SLC35F3: variants seen among roughly 807,000 people sequenced by gnomAD.
The protein encoded by SLC35F3 is solute carrier family 35 member F3.
A neutral mutation model predicts 49.9 loss-of-function variants in SLC35F3; 25 were observed. That is an observed-to-expected ratio of 0.50 (90% CI 0.37 to 0.70). SLC35F3 has a LOEUF of 0.70. Among genes scored for constraint, SLC35F3 ranks in the 30% least tolerant of loss-of-function variants. The pLI is 0.00. For missense variants in SLC35F3, 525 were observed against 639.8 expected (o/e 0.82, Z 1.94); for synonymous variants, 275 against 265.4 (o/e 1.04, Z -0.35).
chr1:234,029,751 A>G (rs980592841), intron 2 of SLC35F3, among the ~76,000 whole-genome samples: 1 of 152,134 alleles, frequency 6.6e-6, no homozygotes, highest in Non-Finnish European at 1.5e-5. Flanking sequence ...GGTGCTGGCT[A>G]CTTGAGAAGC....
chr1:233,923,918 A>T (rs1223431719), intron 2 of SLC35F3, among the ~76,000 whole-genome samples: 5 of 151,980 alleles, frequency 3.3e-5, no homozygotes, highest in Non-Finnish European at 7.4e-5. Flanking sequence ...GTTTTTGTCG[A>T]TGGTTCTGTT....
intron 2 of SLC35F3, among the ~76,000 whole-genome samples, chr1:233,956,186 C>T (rs905774982): frequency 3.9e-5 from 6 of 152,108 alleles, no homozygotes; most frequent in Admixed American, 6.5e-5. Flanking sequence ...CAGTGCCCAG[C>T]CCTGCAAACT....
intron 2 of SLC35F3, among the ~76,000 whole-genome samples, chr1:234,173,410 A>T (rs996507038): frequency 1.1e-4 from 16 of 152,224 alleles, no homozygotes; most frequent in Non-Finnish European, 2.1e-4. Context: ...ACCCAGAATC[A>T]CAGAGCTAGT....
intron 4 of SLC35F3, among the ~76,000 whole-genome samples, chr1:234,313,588 C>A (rs548633350): frequency 6.6e-6 from 1 of 152,200 alleles, no homozygotes; most frequent in African/African-American, 2.4e-5. Context: ...CAGGATTGTT[C>A]CGTGGGGAGC....
At chr1:233,996,769 T>C (rs1293594444) in intron 2 of SLC35F3, among the ~76,000 whole-genome samples, 4 of 152,184 alleles carry the variant, frequency 2.6e-5, no homozygotes, top group African/African-American at 2.4e-5. Context: ...TTGCACTCTC[T>C]CATTCGATAC....
At chr1:234,189,743 G>T (rs958529097) in intron 2 of SLC35F3, among the ~76,000 whole-genome samples, 1 of 152,122 alleles carries the variant, frequency 6.6e-6, no homozygotes, top group African/African-American at 2.4e-5. Context: ...ATCACAAAAA[G>T]ATCCTCACCT....
At chr1:234,062,366 G>A (rs986489382) in intron 2 of SLC35F3, among the ~76,000 whole-genome samples, 9 of 152,098 alleles carry the variant, frequency 5.9e-5, no homozygotes, top group Admixed American at 2.0e-4. Context: ...ACTCCACTAC[G>A]CACAAACTGG....
rs558343210 is a variant in SLC35F3, at chr1:234,289,175, G to A, written c.609-19926G>A. Among the ~76,000 whole-genome samples the A allele has an allele frequency of 4.6e-5, 7 of 152,248 alleles. No individual in the cohort carries two copies. The South Asian group carries it at 8.3e-4, about 18-fold the overall frequency. ...GAGAGGATCACCCCCCTGGGGTCCT[G>A]GGGCATACAAAAAGCCTTTGTCTCT... is the stretch of plus-strand genomic sequence containing the variant. On this transcript the variant is annotated intron_variant, in intron 3 of 7. Coordinates refer to ENST00000366618, the MANE Select transcript of SLC35F3 (RefSeq NM_173508.4).
intron 2 of SLC35F3, among the ~76,000 whole-genome samples, chr1:233,924,734 A>T (rs953657189): frequency 1.3e-5 from 2 of 152,214 alleles, no homozygotes; most frequent in Non-Finnish European, 2.9e-5. Flanking sequence ...TATGGTGTCA[A>T]TTTTAGATCT....
intron 2 of SLC35F3, among the ~76,000 whole-genome samples, chr1:234,190,493 G>A (rs772880880): frequency 3.0e-4 from 45 of 152,150 alleles, no homozygotes; most frequent in Non-Finnish European, 6.0e-4. Context: ...ATATAATGAT[G>A]AAAGGCCTTA....
intron 2 of SLC35F3, among the ~76,000 whole-genome samples, chr1:233,925,204 C>G (rs148493403): frequency 6.6e-6 from 1 of 152,056 alleles, no homozygotes; most frequent in Non-Finnish European, 1.5e-5. Flanking sequence ...CTTTCTGTCT[C>G]GTTGATCTGT....
intron 2 of SLC35F3, among the ~76,000 whole-genome samples, chr1:234,000,900 G>A (rs187203109): frequency 6.6e-6 from 1 of 152,264 alleles, no homozygotes; most frequent in African/African-American, 2.4e-5. Context: ...AGGGAGGATG[G>A]CTGCCACTGT....
At chr1:233,937,834 G>A (rs755613918) in intron 2 of SLC35F3, among the ~76,000 whole-genome samples, 5 of 152,214 alleles carry the variant, frequency 3.3e-5, no homozygotes, top group Non-Finnish European at 7.3e-5. Flanking sequence ...CAGGGGGCAA[G>A]GATGGGAGAC....
intron 2 of SLC35F3, among the ~76,000 whole-genome samples, chr1:233,929,602 A>G (rs936693999): frequency 6.6e-6 from 1 of 152,180 alleles, no homozygotes; most frequent in Non-Finnish European, 1.5e-5. Flanking sequence ...TGGATTAATT[A>G]TGTTGAACAC....
At chr1:234,072,384 TC>T (rs1275082374) in intron 2 of SLC35F3, among the ~76,000 whole-genome samples, 1 of 152,228 alleles carries the variant, frequency 6.6e-6, no homozygotes, top group Non-Finnish European at 1.5e-5. Flanking sequence ...AACAGATACT[TC>T]CTGAGCACTC....
intron 2 of SLC35F3, among the ~76,000 whole-genome samples, chr1:234,050,496 T>G (rs1664359962): frequency 6.6e-6 from 1 of 152,204 alleles, no homozygotes; most frequent in Non-Finnish European, 1.5e-5. Flanking sequence ...TTTGATTTTT[T>G]CCTATAAATT....
chr1:234,009,234 C>T lies in SLC35F3; in HGVS notation c.283+103476C>T, dbSNP rs1366036729. On this transcript the variant is annotated intron_variant, in intron 2 of 7. Coordinates refer to ENST00000366618, the MANE Select transcript of SLC35F3 (RefSeq NM_173508.4). The stretch of plus-strand genomic sequence containing the variant: ...TATAGGCTTTTTTCCTTCTATTTTT[C>T]AAATGTATTTTGCAAAACACTGCAG... Among the ~76,000 whole-genome samples, 5 of 152,104 alleles carry T rather than the reference C, an allele frequency of 3.3e-5. No individual in the cohort carries two copies. In the East Asian group the frequency reaches 9.6e-4, roughly 29 times the overall value.
intron 2 of SLC35F3, among the ~76,000 whole-genome samples, chr1:234,060,008 G>A (rs1664517080): frequency 6.6e-6 from 1 of 152,194 alleles, no homozygotes; most frequent in Non-Finnish European, 1.5e-5. Context: ...ATACACCCAA[G>A]ATCAATATTG....
Position 233,932,738 on chromosome 1 carries a change from T to C in SLC35F3, c.283+26980T>C, listed in dbSNP as rs549084949. Among the ~76,000 whole-genome samples the C allele has an allele frequency of 2.6e-5, 4 of 152,338 alleles. No individual in the cohort carries two copies. The South Asian group carries it at 8.3e-4, about 32-fold the overall frequency. ...TTGTTTATACAGGATGATGACCACC[T>C]AGGACCTATGGAAATCAGAACCGGA... On this transcript the variant is annotated intron_variant, in intron 2 of 7. Transcript: ENST00000366618.
Sources: gnomAD v4.1 joint callset for allele counts (sites outside exome capture counted in the v4.1 genomes callset) on GRCh38, gnomAD v4.1.1 for gene constraint, MANE v1.5 for transcripts, NCBI Gene and HGNC (gene_info 2026-07-23, HGNC 2026-07-21) for gene names.